The following MAGI1 variants were observed in gnomAD, a reference collection of about 807,000 sequenced individuals.
The protein encoded by MAGI1 is membrane-associated guanylate kinase, WW and PDZ domain-containing protein 1.
In MAGI1, 58 loss-of-function variants were observed where a neutral mutation model predicts 139.9. That is an observed-to-expected ratio of 0.41 (90% CI 0.34 to 0.52). The LOEUF is 0.52. MAGI1 is among the 20% of genes least tolerant of loss of function. The pLI, the probability that MAGI1 is intolerant of heterozygous loss-of-function variation, is 0.12. For synonymous variants in MAGI1, 812 were observed against 737.9 expected, an observed-to-expected ratio of 1.10 and a Z score of -1.63; for missense variants, 1,874 against 1,901.6, an observed-to-expected ratio of 0.99 and a Z score of 0.27.
chr3:65,803,187 C>A (rs1575557055), intron 1 of MAGI1, among the ~76,000 whole-genome samples: 7 of 152,136 alleles, frequency 4.6e-5, no homozygotes, highest in Admixed American at 4.6e-4. Context: ...CATCTCTAAT[C>A]CAGTAAAGTG....
At chr3:66,021,781 T>A (rs1198636298) in intron 1 of MAGI1, among the ~76,000 whole-genome samples, 1 of 152,126 alleles carries the variant, frequency 6.6e-6, no homozygotes, top group African/African-American at 2.4e-5. Flanking sequence ...GTATCAGGAC[T>A]GTGCTGAGCA....
chr3:65,947,570 T>A (rs975993269), intron 1 of MAGI1, among the ~76,000 whole-genome samples: 1 of 152,222 alleles, frequency 6.6e-6, no homozygotes, highest in Admixed American at 6.5e-5. Context: ...ACGTTTCTGA[T>A]TAACTGTTGA....
At chr3:65,384,293 G>C (rs1425529978) in intron 14 of MAGI1, among the ~76,000 whole-genome samples, 1 of 152,208 alleles carries the variant, frequency 6.6e-6, no homozygotes, top group Non-Finnish European at 1.5e-5. Flanking sequence ...ACCAATCACA[G>C]ATAGAAAATT....
At chr3:66,001,799 T>C (rs957769130) in intron 1 of MAGI1, among the ~76,000 whole-genome samples, 1 of 152,252 alleles carries the variant, frequency 6.6e-6, no homozygotes, top group Non-Finnish European at 1.5e-5. Flanking sequence ...TTTGGACATC[T>C]GTGCCAATTT....
chr3:65,421,828 CCT>C (rs1946648906), intron 12 of MAGI1, among the ~76,000 whole-genome samples: 1 of 152,120 alleles, frequency 6.6e-6, no homozygotes, highest in African/African-American at 2.4e-5. Flanking sequence ...AGTCTTAAAT[CCT>C]CTGAGTGTGA....
At chr3:65,488,143 G>C (rs768130198) in intron 3 of MAGI1, among the ~76,000 whole-genome samples, 1 of 151,906 alleles carries the variant, frequency 6.6e-6, no homozygotes, top group Non-Finnish European at 1.5e-5. Context: ...TCATCACATC[G>C]TTCTCTGTGG....
intron 3 of MAGI1, among the ~76,000 whole-genome samples, chr3:65,481,413 C>A (rs979422460): frequency 6.6e-6 from 1 of 152,130 alleles, no homozygotes; most frequent in African/African-American, 2.4e-5. Context: ...TAACTGAAGA[C>A]TCTTTAGTGA....
intron 1 of MAGI1, among the ~76,000 whole-genome samples, chr3:65,865,324 C>T (rs545890321): frequency 1.3e-5 from 2 of 152,148 alleles, no homozygotes; most frequent in Non-Finnish European, 2.9e-5. Context: ...GCACTGACCA[C>T]GTGCAGTGGC....
intron 1 of MAGI1, among the ~76,000 whole-genome samples, chr3:65,860,523 G>T (rs559592753): frequency 2.6e-5 from 4 of 152,144 alleles, no homozygotes; most frequent in South Asian, 2.1e-4. Flanking sequence ...CCCTCCCTCC[G>T]CACCGATTAA....
intron 1 of MAGI1, among the ~76,000 whole-genome samples, chr3:65,692,705 T>C (rs995429206): frequency 6.6e-6 from 1 of 152,104 alleles, no homozygotes; most frequent in East Asian, 1.9e-4. Flanking sequence ...TCTGTCCTCA[T>C]GAATGAATGA....
chr3:65,910,387 T>C (rs559868395), intron 1 of MAGI1, among the ~76,000 whole-genome samples: 1 of 152,280 alleles, frequency 6.6e-6, no homozygotes, highest in Non-Finnish European at 1.5e-5. Context: ...TGCTGTACTG[T>C]TGAAAATACA....
At chr3:65,786,241 C>G (rs1294120409) in intron 1 of MAGI1, among the ~76,000 whole-genome samples, 2 of 136,884 alleles carry the variant, frequency 1.5e-5, no homozygotes, top group East Asian at 4.5e-4. Flanking sequence ...CCACGCCCAG[C>G]CAATCATAAC....
intron 1 of MAGI1, among the ~76,000 whole-genome samples, chr3:65,864,075 T>G (rs1049743960): frequency 6.6e-5 from 10 of 151,936 alleles, no homozygotes; most frequent in Non-Finnish European, 1.5e-4. Flanking sequence ...GAATAAACAT[T>G]CAACAGAATA....
At chr3:65,914,340 A>C (rs1416780205) in intron 1 of MAGI1, among the ~76,000 whole-genome samples, 3 of 152,128 alleles carry the variant, frequency 2.0e-5, no homozygotes, top group African/African-American at 7.2e-5. Flanking sequence ...TCTGTTAACT[A>C]ATTAATCTGA....
intron 2 of MAGI1, among the ~76,000 whole-genome samples, chr3:65,500,744 G>A (rs139973046): frequency 6.6e-6 from 1 of 152,160 alleles, no homozygotes; most frequent in Admixed American, 6.6e-5. Flanking sequence ...TGGCCAGACT[G>A]TTAAAGGAAA....
chr3:65,551,979 G>A (rs2079856252), intron 2 of MAGI1, among the ~76,000 whole-genome samples: 1 of 152,188 alleles, frequency 6.6e-6, no homozygotes, highest in African/African-American at 2.4e-5. Flanking sequence ...AGGCAGAAAA[G>A]GAATGTGTAA....
At chr3:65,931,179 C>T (rs560245064) in intron 1 of MAGI1, among the ~76,000 whole-genome samples, 3 of 152,130 alleles carry the variant, frequency 2.0e-5, no homozygotes, top group Non-Finnish European at 2.9e-5. Context: ...ACTACAGGAG[C>T]GTGCCACCAC....
intron 1 of MAGI1, among the ~76,000 whole-genome samples, chr3:65,760,525 G>A (rs1817919): frequency 6.6e-6 from 1 of 151,578 alleles, no homozygotes; most frequent in African/African-American, 2.4e-5. Flanking sequence ...GATAGGAATA[G>A]ATAGCAACAT....
chr3:66,032,375 T>TA (rs1281127270), intron 1 of MAGI1, among the ~76,000 whole-genome samples: 1 of 106,498 alleles, frequency 9.4e-6, no homozygotes, highest in Non-Finnish European at 2.0e-5. Context: ...CACGCCCGGC[T>TA]AATTTTTTTG....
Sources: gnomAD v4.1 joint callset for allele counts (sites outside exome capture counted in the v4.1 genomes callset) on GRCh38, gnomAD v4.1.1 for gene constraint, MANE v1.5 for transcripts, NCBI Gene and HGNC (gene_info 2026-07-23, HGNC 2026-07-21) for gene names.